The following SMPD3 variants were observed in gnomAD, a reference collection of about 807,000 sequenced individuals.
SMPD3 encodes sphingomyelin phosphodiesterase 3, also known as nSMase-2.
In SMPD3, 21 loss-of-function variants were observed where a neutral mutation model predicts 55.7. The ratio of observed to expected loss-of-function variants is 0.38; its 90% CI spans 0.27 to 0.54. SMPD3 has a LOEUF of 0.54. Among genes scored for constraint, SMPD3 ranks in the 20% least tolerant of loss-of-function variants. The probability of loss-of-function intolerance (pLI) is 0.80; values close to 1 mark genes in which losing one functional copy is unlikely to be tolerated. For synonymous variants in SMPD3, 457 were observed against 404.3 expected, an observed-to-expected ratio of 1.13 and a Z score of -1.56; for missense variants, 842 against 899.6, an observed-to-expected ratio of 0.94 and a Z score of 0.82.
In SMPD3 at chr16:68,358,334, TCA is replaced by T. The variant is rs747268914; in HGVS notation, c.*2870_*2871del. The T allele has an allele frequency of 3.3e-5, 5 of 152,732 alleles. No individual in the cohort carries two copies. The highest frequency in any genetic ancestry group is 4.1e-4 in the South Asian group (2 of 4,836). The allele number at this position is 152,732 out of a possible 1,614,324, so 9.5% of individuals were successfully genotyped here. On this transcript the variant is annotated 3_prime_UTR_variant, in exon 9 of 9. Transcript: ENST00000219334. Reference sequence around the variant, plus strand: ...AAGTGGAGAACACCAGCCTTGAGCCTCACAGTTTTATTTTCTCCTCGTTATCC... The same window carrying T: ...AAGTGGAGAACACCAGCCTTGAGCCTCAGTTTTATTTTCTCCTCGTTATCC...
Position 68,371,182 on chromosome 16 carries a change from C to A in SMPD3, c.1000G>T (p.Ala334Ser). ...TCGGGGTGCCGCCTCCTGCGTGCAGCCGCCTTCTTCACCACCGAGGCCTTG... is the reference window on the plus strand; with the variant it reads ...TCGGGGTGCCGCCTCCTGCGTGCAGACGCCTTCTTCACCACCGAGGCCTTG... Reference protein sequence around the residue: ...LYKASVVKKAAARRRRHPDEA... With the variant: ...LYKASVVKKASARRRRHPDEA... Residue 334 changes from alanine to serine, a missense_variant, in exon 3 of 9, where the codon GCT becomes TCT. This residue lies in a region of SMPD3 where 649 missense variants were observed against 643.6 expected (regional missense o/e 1.01). Transcript: ENST00000219334. 6.2e-7 allele frequency: 1 copy of A among 1,612,566 alleles called. No individual in the cohort carries two copies. The highest frequency in any genetic ancestry group is 2.2e-5 in the East Asian group (1 of 44,842).
chr16:68,363,876 G>A lies in SMPD3; in HGVS notation c.1556-10C>T. Reference sequence around the variant, plus strand: ...TGCTCCAGCTTGTCGTCTGTGCGGGGAGGGAGGAAACGCTGAGGCACCAGG... The same window carrying A: ...TGCTCCAGCTTGTCGTCTGTGCGGGAAGGGAGGAAACGCTGAGGCACCAGG... On this transcript the variant is annotated splice_polypyrimidine_tract_variant and intron_variant, in intron 5 of 8. Transcript: ENST00000219334. The A allele has an allele frequency of 1.3e-6, 2 of 1,554,886 alleles. No individual in the cohort carries two copies. Among genetic ancestry groups the A allele is most frequent in the Non-Finnish European group, 8.7e-7 (1 of 1,149,374 alleles).
At chr16:68,373,094 T>C (rs2089716682) in intron 2 of SMPD3, among the ~76,000 whole-genome samples, 1 of 152,230 alleles carries the variant, frequency 6.6e-6, no homozygotes, top group African/African-American at 2.4e-5. Flanking sequence ...TCTTACCAAC[T>C]TCCAGAACCA....
At chr16:68,441,964 C>T (rs948162313) in intron 1 of SMPD3, among the ~76,000 whole-genome samples, 14 of 152,104 alleles carry the variant, frequency 9.2e-5, no homozygotes, top group Admixed American at 6.5e-5. Context: ...CGGGGTCTCA[C>T]TATGTTACCC....
chr16:68,388,636 C>A (rs1356147218), intron 1 of SMPD3, among the ~76,000 whole-genome samples: 1 of 152,084 alleles, frequency 6.6e-6, no homozygotes, highest in African/African-American at 2.4e-5. Flanking sequence ...GCCCCCTCCC[C>A]ACTCTCCACC....
intron 1 of SMPD3, among the ~76,000 whole-genome samples, chr16:68,429,118 CTACCAGG>C (rs1477634930): frequency 1.3e-5 from 2 of 152,254 alleles, no homozygotes; most frequent in African/African-American, 4.8e-5. Flanking sequence ...TGGCCCCAGC[CTACCAGG>C]TACCCTGAGA....
intron 1 of SMPD3, among the ~76,000 whole-genome samples, chr16:68,417,812 G>A (rs529425934): frequency 6.6e-6 from 1 of 152,252 alleles, no homozygotes; most frequent in East Asian, 1.9e-4. Context: ...AATGAAGTAG[G>A]GTATAAATGA....
intron 1 of SMPD3, among the ~76,000 whole-genome samples, chr16:68,428,894 A>T (rs2152028559): frequency 6.6e-6 from 1 of 152,282 alleles, no homozygotes. Context: ...GCTGTCTAGG[A>T]ACTATGGTCA....
At chr16:68,417,018 G>T (rs1001759087) in intron 1 of SMPD3, among the ~76,000 whole-genome samples, 2 of 152,110 alleles carry the variant, frequency 1.3e-5, no homozygotes, top group Admixed American at 6.5e-5. Flanking sequence ...CTGTCTTCAG[G>T]GCTGGTGCAC....
At chr16:68,417,563 T>G (rs139383360) in intron 1 of SMPD3, among the ~76,000 whole-genome samples, 30 of 152,346 alleles carry the variant, frequency 2.0e-4, no homozygotes, top group Admixed American at 6.5e-4. Context: ...GTGCTTCTTT[T>G]GGCCTTTGGT....
intron 1 of SMPD3, among the ~76,000 whole-genome samples, chr16:68,434,092 CAT>C (rs1188038793): frequency 5.9e-5 from 9 of 152,306 alleles, no homozygotes; most frequent in African/African-American, 1.7e-4. Flanking sequence ...AAATTTAACA[CAT>C]GTTGCAGGCA....
chr16:68,419,529 C>T (rs900400300), intron 1 of SMPD3, among the ~76,000 whole-genome samples: 5 of 152,222 alleles, frequency 3.3e-5, no homozygotes, highest in African/African-American at 1.2e-4. Context: ...GATGCAGCAT[C>T]CAACATCTGT....
rs924225165 is a variant in SMPD3 at position 68,370,791 on chromosome 16, G to GC, written c.1323+67dup. ...ATGACGATGAGGACTCCCCGCTGCA[G>GC]CCCCCCTGCCTACATGGCTCTAGGA... is the stretch of plus-strand genomic sequence containing the variant. On this transcript the variant is annotated intron_variant, in intron 3 of 8. Transcript: ENST00000219334. The GC allele has an allele frequency of 3.2e-6, 5 of 1,581,412 alleles. No homozygotes were observed. The African/African-American group carries it at 6.8e-5, about 21-fold the overall frequency.
chr16:68,375,729 C>G (rs1428946252), intron 2 of SMPD3, among the ~76,000 whole-genome samples: 1 of 152,192 alleles, frequency 6.6e-6, no homozygotes, highest in Non-Finnish European at 1.5e-5. Flanking sequence ...TAGTGAGTGG[C>G]CAGTCCTGAT....
At chr16:68,418,568 A>C (rs1411386375) in intron 1 of SMPD3, among the ~76,000 whole-genome samples, 1 of 152,186 alleles carries the variant, frequency 6.6e-6, no homozygotes, top group Non-Finnish European at 1.5e-5. Flanking sequence ...CAAATGGGGA[A>C]GGCAAAGAAC....
intron 1 of SMPD3, among the ~76,000 whole-genome samples, chr16:68,419,881 G>A (rs539570141): frequency 6.6e-6 from 1 of 152,160 alleles, no homozygotes; most frequent in South Asian, 2.1e-4. Context: ...ATCACTAATT[G>A]TGGGAACTTG....
chr16:68,404,174 G>A lies in SMPD3; in HGVS notation c.-268-17515C>T, dbSNP rs949679853. Among the ~76,000 whole-genome samples, 2 of 149,342 alleles carry A rather than the reference G, an allele frequency of 1.3e-5. No individual in the cohort carries two copies. Among genetic ancestry groups the A allele is most frequent in the East Asian group, 1.9e-4 (1 of 5,136 alleles). On this transcript the variant is annotated intron_variant, in intron 1 of 8. Transcript: ENST00000219334. The surrounding 1 kb of genome is among the most constrained non-coding windows in gnomAD (Gnocchi z 4.0). ...GGGACTACTCAGTGCACACCACCAC[G>A]CCCAGCTAATTTTTTTTTTTTTTTT...
chr16:68,447,282 A>G lies in SMPD3; in HGVS notation c.-269+1071T>C, dbSNP rs2090617619. Among the ~76,000 whole-genome samples the G allele has an allele frequency of 6.6e-6, 1 of 152,154 alleles. No homozygotes were observed. The highest frequency in any genetic ancestry group is 1.9e-4 in the East Asian group (1 of 5,174). On this transcript the variant is annotated intron_variant, in intron 1 of 8. Coordinates refer to ENST00000219334, the MANE Select transcript of SMPD3 (RefSeq NM_018667.4). The surrounding 1 kb of genome is among the most constrained non-coding windows in gnomAD (Gnocchi z 5.1). ...CATCGGAGCGGAGCAGCCCCCAAAGATTCGCGGGCACGAGGTTGGGGGTAG... is the reference window on the plus strand; with the variant it reads ...CATCGGAGCGGAGCAGCCCCCAAAGGTTCGCGGGCACGAGGTTGGGGGTAG...
chr16:68,373,601 C>T (rs1368295376), intron 2 of SMPD3, among the ~76,000 whole-genome samples: 2 of 152,314 alleles, frequency 1.3e-5, no homozygotes, highest in East Asian at 3.9e-4. Context: ...AGCCAGGGAC[C>T]TAGGTGTCAC....
Sources: gnomAD v4.1 joint callset for allele counts (sites outside exome capture counted in the v4.1 genomes callset) on GRCh38, gnomAD v4.1.1 for gene constraint, gnomAD v4.1.1 regional missense constraint, Gnocchi (gnomAD v3.1) non-coding constraint, MANE v1.5 for transcripts, NCBI Gene and HGNC (gene_info 2026-07-23, HGNC 2026-07-21) for gene names.